Variants in MYO1C observed in about 807,000 individuals in gnomAD.
MYO1C encodes myosin IC, also known as unconventional myosin-Ic.
A neutral mutation model predicts 150.8 loss-of-function variants in MYO1C; 104 were observed. That is an observed-to-expected ratio of 0.69 (90% CI 0.59 to 0.81). MYO1C has a LOEUF of 0.81. MYO1C is among the 30% of genes least tolerant of loss of function. The pLI is 0.00. For synonymous variants in MYO1C, 663 were observed against 579.9 expected, an observed-to-expected ratio of 1.14 and a Z score of -2.06; for missense variants, 1,504 against 1,435.0, an observed-to-expected ratio of 1.05 and a Z score of -0.78.
chr17:1,481,730 A>G (rs2074525451), intron 5 of MYO1C, among the ~76,000 whole-genome samples: 1 of 149,510 alleles, frequency 6.7e-6, no homozygotes, highest in Non-Finnish European at 1.5e-5. Flanking sequence ...TGAACTCCCG[A>G]CCTCACGTGA....
rs1023539543 is a variant in MYO1C at position 1,470,429 on chromosome 17, G to A, written c.2366+6C>T. 4.6e-5 allele frequency: 72 copies of A among 1,550,136 alleles called. No homozygotes were observed. The highest frequency in any genetic ancestry group is 5.8e-5 in the Non-Finnish European group (66 of 1,146,980). ...TGCAGCCCCCACAAGGCACCCTGGC[G>A]CTCACCGCCGGATGGTCTGTGCCGC... is the stretch of plus-strand genomic sequence containing the variant. On this transcript the variant is annotated splice_donor_region_variant and intron_variant, in intron 23 of 31. Coordinates refer to ENST00000648651, the MANE Select transcript of MYO1C (RefSeq NM_001080779.2).
intron 1 of MYO1C, chr17:1,485,367 C>A: frequency 4.6e-6 from 5 of 1,094,638 alleles, no homozygotes; most frequent in Non-Finnish European, 5.6e-6. Flanking sequence ...TGGCCGGGGG[C>A]CTGCCCCTCC....
chr17:1,468,186 G>T, intron 27 of MYO1C, 63 bp from the exon 28 acceptor site: 1 of 1,611,034 alleles, frequency 6.2e-7, no homozygotes, highest in South Asian at 1.1e-5. Flanking sequence ...CCCCTGCCCT[G>T]ACCTGCCTTC....
At chr17:1,486,729 T>C (rs2074663911) in intron 1 of MYO1C, among the ~76,000 whole-genome samples, 1 of 152,146 alleles carries the variant, frequency 6.6e-6, no homozygotes, top group Non-Finnish European at 1.5e-5. Flanking sequence ...TTGGCCAAGC[T>C]GGTCTGGAAC....
chr17:1,469,460 A>G, intron 25 of MYO1C, 71 bp downstream of exon 25: 1 of 1,014,638 alleles, frequency 9.9e-7, no homozygotes, highest in East Asian at 3.1e-5. Flanking sequence ...CTCCAGGCGG[A>G]CACCCTTTGA....
rs1324749445 is a variant in MYO1C, at chr17:1,465,631, G to T, written c.*95C>A. ...CAGGTGGGCTTCGGGGTGTCCCTGG[G>T]TCCCTGTCTGGAAGTTCGAGTCTTT... On this transcript the variant is annotated 3_prime_UTR_variant, in exon 32 of 32. Transcript: ENST00000648651. 3.2e-6 allele frequency: 4 copies of T among 1,237,676 alleles called. No homozygotes were observed. The Admixed American group carries it at 1.2e-4, about 38-fold the overall frequency. 76.7% of individuals were successfully genotyped at this position (1,237,676 alleles called of 1,614,324 possible). A position where few individuals can be genotyped will look rare whatever the true frequency, so the allele number is the denominator to read the frequency against.
intron 30 of MYO1C, 45 bp from the exon 31 acceptor site, chr17:1,467,386 C>T (rs200723741): frequency 2.5e-6 from 4 of 1,598,076 alleles, no homozygotes; most frequent in African/African-American, 2.7e-5. Context: ...GAGGCAGACC[C>T]CCAACCCTAA....
intron 7 of MYO1C, 152 bp downstream of exon 7, chr17:1,480,375 G>T (rs1158113164): frequency 2.9e-6 from 2 of 701,504 alleles, no homozygotes; most frequent in African/African-American, 3.6e-5. Context: ...TTGAACCCAG[G>T]AGGCGGAGGT....
At chr17:1,489,821 T>C (rs1460263597) in intron 1 of MYO1C, among the ~76,000 whole-genome samples, 3 of 150,366 alleles carry the variant, frequency 2.0e-5, no homozygotes, top group African/African-American at 7.3e-5. Context: ...GCAAGATCAC[T>C]TGAGGTCAGG....
chr17:1,481,468 C>T (rs982437439), intron 5 of MYO1C, among the ~76,000 whole-genome samples: 8 of 152,146 alleles, frequency 5.3e-5, no homozygotes, highest in African/African-American at 1.7e-4. Context: ...TATTCGTCTA[C>T]TCCCAATCTC....
chr17:1,483,579 G>C, intron 3 of MYO1C, 31 bp downstream of exon 3: 1 of 1,519,846 alleles, frequency 6.6e-7, no homozygotes, highest in Non-Finnish European at 9.0e-7. Flanking sequence ...GAGACAGAGG[G>C]GTCGCTCCCG....
Position 1,478,464 on chromosome 17 carries a change from G to A in MYO1C, c.1241C>T (p.Thr414Ile), listed in dbSNP as rs143802377. The A allele has an allele frequency of 1.1e-3, 1,699 of 1,614,194 alleles. 3 individuals are homozygous for A. Among genetic ancestry groups the A allele is most frequent in the Non-Finnish European group, 1.2e-3 (1,440 of 1,180,040 alleles). ...KDVESPSWRSTTVLGLLDIYG... is the reference protein window; with the variant it reads ...KDVESPSWRSITVLGLLDIYG... ...AATATCCAGGAGCCCGAGAACCGTG[G>A]TGCTCCGCCAGCTGGGGCTCTCCAC... The change falls in exon 11 of 32, where the codon ACC becomes ATC. Residue 414 changes from threonine (T) to isoleucine (I), a missense_variant. Coordinates refer to ENST00000648651, the MANE Select transcript of MYO1C (RefSeq NM_001080779.2). The surrounding 1 kb of genome is among the most constrained non-coding windows in gnomAD (Gnocchi z 6.3).
rs1337558444 is a variant in MYO1C at position 1,464,435 on chromosome 17, G to C, written c.*1291C>G. The C allele has an allele frequency of 6.5e-6, 1 of 152,718 alleles. No homozygotes were observed. The highest frequency in any genetic ancestry group is 1.5e-5 in the Non-Finnish European group (1 of 68,118). 9.5% of individuals were successfully genotyped at this position (152,718 alleles called of 1,614,324 possible). ...CCCTACATCCTTGAGTGGGGCCCGA[G>C]TGTGCGGGCAAGCTGTCTGTCATCC... On this transcript the variant is annotated 3_prime_UTR_variant, in exon 32 of 32. Transcript: ENST00000648651.
In MYO1C at chr17:1,471,915, G is replaced by A; in HGVS notation, c.2013C>T (p.Phe671=). ...GCAGGACCTGCCCCCACCTTTGCAG[G>A]AAAGCTTCGTATTTGCGGCGATAGG... ...GFAYRRKYEA[F]LQRYKSLCPE... The change falls in exon 19 of 32, where the codon TTC becomes TTT. Residue 671 remains phenylalanine (F), a synonymous_variant. Coordinates refer to ENST00000648651, the MANE Select transcript of MYO1C (RefSeq NM_001080779.2). The A allele has an allele frequency of 6.2e-7, 1 of 1,614,090 alleles. No homozygotes were observed. The highest frequency in any genetic ancestry group is 8.5e-7 in the Non-Finnish European group (1 of 1,180,018).
chr17:1,470,919 T>C (rs369718170), intron 21 of MYO1C, 152 bp downstream of exon 21: 13 of 993,540 alleles, frequency 1.3e-5, no homozygotes, highest in Middle Eastern at 3.0e-4. Context: ...AAGTCGGCCA[T>C]TGGACTCTCT....
chr17:1,478,114 C>T lies in MYO1C; in HGVS notation c.1374G>A (p.Gln458=), dbSNP rs770360512. The stretch of plus-strand genomic sequence containing the variant: ...CGATGCCCTCTGCCTCGTACTCCTC[C>T]TGCTCCGACTTGAGCGTGAGCTCGA... ...LFIELTLKSE[Q]EEYEAEGIAW... The change falls in exon 12 of 32, where the codon CAG becomes CAA. Residue 458 remains glutamine, a synonymous_variant. Transcript: ENST00000648651. The surrounding 1 kb of genome is among the most constrained non-coding windows in gnomAD (Gnocchi z 6.3). The T allele has an allele frequency of 1.1e-5, 18 of 1,614,028 alleles. No individual in the cohort carries two copies. In the South Asian group the frequency reaches 1.5e-4, roughly 14 times the overall value.
At chr17:1,467,741 C>A in intron 29 of MYO1C, 99 bp downstream of exon 29, 1 of 631,248 alleles carries the variant, frequency 1.6e-6, no homozygotes, top group East Asian at 3.0e-5. Flanking sequence ...ACCCTCCCAC[C>A]TCCCCATCCA....
In MYO1C at chr17:1,482,615, C is replaced by A. The variant is rs1407570097; in HGVS notation, c.547-57G>T. ...GGCACTCTCCCCCTGCCCTCCCCAC[C>A]CCGCCTTGTAGCTACTGCTGCCCCT... is the stretch of plus-strand genomic sequence containing the variant. On this transcript the variant is annotated intron_variant, in intron 4 of 31. Coordinates refer to ENST00000648651, the MANE Select transcript of MYO1C (RefSeq NM_001080779.2). 5 of 1,470,774 alleles carry A rather than the reference C, an allele frequency of 3.4e-6. No individual in the cohort carries two copies. In the African/African-American group the frequency reaches 7.2e-5, roughly 21 times the overall value. The allele number at this position is 1,470,774 out of a possible 1,614,324, so 91.1% of individuals were successfully genotyped here.
At chr17:1,467,937 G>A (rs1344700634) in intron 28 of MYO1C, 27 bp from the exon 29 acceptor site, 2 of 1,612,878 alleles carry the variant, frequency 1.2e-6, no homozygotes, top group Non-Finnish European at 1.7e-6. Context: ...AAGGTCAGAG[G>A]TCGAGGGTCA....
Sources: allele counts gnomAD v4.1 joint callset (sites outside exome capture counted in the v4.1 genomes callset), GRCh38; gene constraint gnomAD v4.1.1; non-coding constraint Gnocchi (gnomAD v3.1); transcripts MANE v1.5; gene names NCBI Gene and HGNC (gene_info 2026-07-23, HGNC 2026-07-21).